The following CDH13 variants were observed in gnomAD, a reference collection of about 807,000 sequenced individuals.
The protein encoded by CDH13 is cadherin 13.
In CDH13, 24 loss-of-function variants were observed where a neutral mutation model predicts 63.8. That is an observed-to-expected ratio of 0.38 (90% confidence interval 0.27 to 0.53). The LOEUF (loss-of-function observed/expected upper bound fraction) is 0.53, where lower values mean the gene tolerates loss of function less well. Ranked by LOEUF, CDH13 falls within the 20% of genes least tolerant of loss-of-function variation. The pLI is 0.85. For synonymous variants in CDH13, 503 were observed against 355.3 expected (o/e 1.42, Z -4.67); for missense variants, 1,049 against 903.1 (o/e 1.16, Z -2.07).
chr16:83,059,470 C>T (rs1487491265), intron 3 of CDH13, among the ~76,000 whole-genome samples: 2 of 152,154 alleles, frequency 1.3e-5, no homozygotes, highest in Non-Finnish European at 2.9e-5. Flanking sequence ...GCAGCTGCTG[C>T]TGAAATCAGA....
intron 1 of CDH13, among the ~76,000 whole-genome samples, chr16:82,751,715 A>AAAAAG (rs1433220326): frequency 6.6e-6 from 1 of 152,164 alleles, no homozygotes; most frequent in African/African-American, 2.4e-5. Context: ...AAAAAAAAAA[A>AAAAAG]AAAAAGTTTT....
chr16:83,504,973 A>C (rs2074363196), intron 7 of CDH13, among the ~76,000 whole-genome samples: 1 of 152,112 alleles, frequency 6.6e-6, no homozygotes, highest in Non-Finnish European at 1.5e-5. Context: ...CTTTCTCTGT[A>C]AAAATGGTTA....
chr16:82,676,486 CTTTT>C (rs11330492), intron 1 of CDH13, among the ~76,000 whole-genome samples: 10 of 96,336 alleles, frequency 1.0e-4, no homozygotes, highest in African/African-American at 3.8e-4. Context: ...ACCATCATTT[CTTTT>C]TTTTTTTTTT....
At chr16:83,730,359 G>T (rs144912251) in intron 10 of CDH13, among the ~76,000 whole-genome samples, 433 of 152,264 alleles carry the variant, frequency 2.8e-3, no homozygotes, top group African/African-American at 0.01. Flanking sequence ...TTTGGAATGT[G>T]CTCCCTATAG....
intron 8 of CDH13, among the ~76,000 whole-genome samples, chr16:83,620,144 G>A (rs1244475140): frequency 6.6e-5 from 10 of 152,164 alleles, no homozygotes. Flanking sequence ...TGTAATCCCA[G>A]CACTTTCAGA....
chr16:83,476,190 C>T (rs948085755), intron 6 of CDH13, among the ~76,000 whole-genome samples: 26 of 152,174 alleles, frequency 1.7e-4, no homozygotes, highest in Non-Finnish European at 1.5e-5. Flanking sequence ...TGCCTTTGAA[C>T]ATTTTCATAT....
intron 10 of CDH13, among the ~76,000 whole-genome samples, chr16:83,683,725 C>G (rs1046346218): frequency 3.9e-5 from 6 of 152,194 alleles, no homozygotes; most frequent in African/African-American, 1.2e-4. Flanking sequence ...ATCCTGAAGA[C>G]AAGTCCCTGA....
intron 2 of CDH13, among the ~76,000 whole-genome samples, chr16:82,861,160 T>C (rs1039652967): frequency 6.6e-6 from 1 of 152,160 alleles, no homozygotes; most frequent in Non-Finnish European, 1.5e-5. Context: ...ATCCAGGAAA[T>C]GGTTAGGGAT....
At chr16:83,089,074 G>A (rs1422583078) in intron 3 of CDH13, among the ~76,000 whole-genome samples, 2 of 152,168 alleles carry the variant, frequency 1.3e-5, no homozygotes, top group African/African-American at 4.8e-5. Context: ...GACTCCTGAG[G>A]CAGGGTTTTA....
chr16:83,233,326 A>G (rs890443468), intron 5 of CDH13, among the ~76,000 whole-genome samples: 1 of 152,218 alleles, frequency 6.6e-6, no homozygotes, highest in Non-Finnish European at 1.5e-5. Flanking sequence ...GTTGATGATC[A>G]TAAGCAGTGC....
At chr16:83,541,248 G>C (rs373140836) in intron 7 of CDH13, among the ~76,000 whole-genome samples, 1 of 152,144 alleles carries the variant, frequency 6.6e-6, no homozygotes, top group Non-Finnish European at 1.5e-5. Flanking sequence ...CCTTAGAAAG[G>C]TTTTAACATG....
At chr16:83,576,491 T>C (rs937407621) in intron 7 of CDH13, among the ~76,000 whole-genome samples, 5 of 152,222 alleles carry the variant, frequency 3.3e-5, no homozygotes, top group African/African-American at 1.2e-4. Context: ...TTTCTTTGAG[T>C]GCCTGTTTCT....
In CDH13 at chr16:83,086,198, C is replaced by T. The variant is rs114425168; in HGVS notation, c.367-39187C>T. Among the ~76,000 whole-genome samples the T allele has an allele frequency of 8.0e-3, 1,216 of 152,252 alleles. 12 individuals carry two copies. Among genetic ancestry groups the T allele is most frequent in the African/African-American group, 0.026 (1,067 of 41,544 alleles). On this transcript the variant is annotated intron_variant, in intron 3 of 13. Transcript: ENST00000567109. ...CATGTTTAAGGCAAAAATAAGAGAG[C>T]GGTTTTCTCAGACAGAGTCTTGAGA...
chr16:83,445,233 G>GTTTATAAAACCT (rs760760369), intron 6 of CDH13, among the ~76,000 whole-genome samples: 1 of 139,194 alleles, frequency 7.2e-6, no homozygotes, highest in Non-Finnish European at 1.6e-5. Context: ...GGCTGCGAGA[G>GTTTATAAAACCT]TTTATAATTT....
intron 1 of CDH13, among the ~76,000 whole-genome samples, chr16:82,749,521 G>C (rs1467224026): frequency 1.3e-5 from 2 of 152,106 alleles, no homozygotes; most frequent in Admixed American, 1.3e-4. Context: ...GTATTACCTA[G>C]CCTGTGCTAC....
At chr16:82,842,192 A>G (rs1053473914) in intron 1 of CDH13, among the ~76,000 whole-genome samples, 1 of 141,920 alleles carries the variant, frequency 7.0e-6, no homozygotes, top group African/African-American at 2.6e-5. Flanking sequence ...ATACACATAT[A>G]TGTATACACA....
chr16:83,649,611 G>A (rs1200987106), intron 8 of CDH13, among the ~76,000 whole-genome samples: 1 of 152,054 alleles, frequency 6.6e-6, no homozygotes, highest in Non-Finnish European at 1.5e-5. Context: ...TGGGAGCCAG[G>A]GACTGGAGTT....
At chr16:82,821,276 T>A (rs1434632763) in intron 1 of CDH13, among the ~76,000 whole-genome samples, 4 of 151,340 alleles carry the variant, frequency 2.6e-5, no homozygotes. Flanking sequence ...CATTAATGAC[T>A]GTTTAAGGCA....
At chr16:82,706,835 A>C (rs750800703) in intron 1 of CDH13, among the ~76,000 whole-genome samples, 2 of 152,024 alleles carry the variant, frequency 1.3e-5, no homozygotes, top group Non-Finnish European at 2.9e-5. Context: ...AGAAGTATAG[A>C]GGTCATTTTT....
Sources: gnomAD v4.1 joint callset for allele counts (sites outside exome capture counted in the v4.1 genomes callset) on GRCh38, gnomAD v4.1.1 for gene constraint, MANE v1.5 for transcripts, NCBI Gene and HGNC (gene_info 2026-07-23, HGNC 2026-07-21) for gene names.